The following SLC49A3 variants were observed in gnomAD, a reference collection of about 807,000 sequenced individuals.
SLC49A3 encodes solute carrier family 49 member 3, also known as solute carrier family 49 member A3.
In SLC49A3, 50 loss-of-function variants were observed where a neutral mutation model predicts 43.8. The observed-to-expected ratio is 1.14, with a 90% CI of 0.91 to 1.45. The LOEUF is 1.45. Among genes scored for constraint, SLC49A3 ranks in the 40% most tolerant of loss-of-function variants. SLC49A3 has a pLI of 0.00. For synonymous variants in SLC49A3, 413 were observed against 352.0 expected (o/e 1.17, Z -1.94); for missense variants, 906 against 774.1 (o/e 1.17, Z -2.02).
In SLC49A3 at chr4:682,891, C is replaced by G; in HGVS notation, c.1152-1G>C. On this transcript the variant is annotated splice_acceptor_variant, in intron 8 of 9. Transcript: ENST00000322224. LOFTEE classifies it high-confidence loss of function. ...CATGATGAGTATTCCCTCGGCCTGC[C>G]TGGACACACGTGGCCCTCAGCCCCC... 6.3e-7 allele frequency: 1 copy of G among 1,586,568 alleles called. No individual in the cohort carries two copies. Among genetic ancestry groups the G allele is most frequent in the South Asian group, 1.1e-5 (1 of 89,024 alleles).
chr4:680,397 G>C, downstream of SLC49A3: 2 of 1,142,428 alleles, frequency 1.8e-6, no homozygotes, highest in Non-Finnish European at 2.6e-6. Flanking sequence ...TGTGGGCAGA[G>C]GCTTGGAGTC....
At chr4:683,171 G>T (rs961945885) in intron 8 of SLC49A3, 39 bp downstream of exon 8, 4 of 1,611,744 alleles carry the variant, frequency 2.5e-6, no homozygotes, top group Non-Finnish European at 3.4e-6. Context: ...AGCAAGGGGA[G>T]TATCTCTGGG....
At chr4:680,878 C>G (rs1488189692), downstream of SLC49A3, 2 of 649,334 alleles carry the variant, frequency 3.1e-6, no homozygotes, top group East Asian at 2.7e-5. Context: ...GGCCTGTAAC[C>G]TCCTTCCGGC....
chr4:688,651 G>C (rs1173060844), intron 1 of SLC49A3, among the ~76,000 whole-genome samples: 1 of 152,208 alleles, frequency 6.6e-6, no homozygotes, highest in Non-Finnish European at 1.5e-5. Flanking sequence ...CTGCTGTCCT[G>C]GGGCTGGGAG....
chr4:683,512 T>C, intron 7 of SLC49A3, 97 bp downstream of exon 7: 1 of 1,503,384 alleles, frequency 6.7e-7, no homozygotes, highest in Non-Finnish European at 8.9e-7. Context: ...CATGAGACAG[T>C]CCAGACCTCT....
chr4:682,121 C>G lies in SLC49A3; in HGVS notation c.1517G>C (p.Ser506Thr), dbSNP rs781497650. 3 of 1,352,154 alleles carry G rather than the reference C, an allele frequency of 2.2e-6. No individual in the cohort carries two copies. Among genetic ancestry groups the G allele is most frequent in the Non-Finnish European group, 2.9e-6 (3 of 1,040,444 alleles). The allele number at this position is 1,352,154 out of a possible 1,614,324, so 83.8% of individuals were successfully genotyped here. Residue 506 changes from serine (S) to threonine (T), a missense_variant, in exon 10 of 10, where the codon AGC (serine) becomes ACC (threonine). Coordinates refer to ENST00000322224, the MANE Select transcript of SLC49A3 (RefSeq NM_032219.4). ...CGCTCGGTGGCAGGCTGGGTGGGGG[C>G]TCCCGGGCCCTCTGGGGTCCTCTAG... is the stretch of plus-strand genomic sequence containing the variant. ...ASLEDPRGPG[S>T]PHPACHRATP...
Position 682,224 on chromosome 4 carries a change from C to G in SLC49A3, c.1414G>C (p.Asp472His), listed in dbSNP as rs763436509. The G allele has an allele frequency of 1.0e-5, 14 of 1,381,510 alleles. No individual in the cohort carries two copies. Among genetic ancestry groups the G allele is most frequent in the Non-Finnish European group, 1.3e-5 (14 of 1,057,110 alleles). The allele number at this position is 1,381,510 out of a possible 1,614,324, so 85.6% of individuals were successfully genotyped here. The change falls in exon 10 of 10, where the codon GAC becomes CAC. Residue 472 changes from aspartate (D) to histidine (H), a missense_variant. Asp to His is a moderately conservative substitution (Grantham distance 81, BLOSUM62 -1). Coordinates refer to ENST00000322224, the MANE Select transcript of SLC49A3 (RefSeq NM_032219.4). ...VGGADSGPGV[D>H]RGGAGRAGVL... ...CCAGCCCTTCCTGCTCCCCCTCGGT[C>G]CACACCCGGCCCTGAGTCTGCGCCG... is the stretch of plus-strand genomic sequence containing the variant.
At chr4:677,927 G>A, downstream of SLC49A3, 1 of 1,601,920 alleles carries the variant, frequency 6.2e-7, no homozygotes. Context: ...TGTAGGGAGT[G>A]GCAGCCGGAG....
chr4:684,566 C>T lies in SLC49A3; in HGVS notation c.757G>A (p.Val253Met). The change falls in exon 6 of 10, where the codon GTG becomes ATG. Residue 253 changes from valine (V) to methionine (M), a missense_variant. Val to Met is a conservative substitution (Grantham distance 21). Transcript: ENST00000322224. The part of the protein sequence containing the change: ...MWNKAYVILA[V>M]CLGGMIGISA... ...ATCCCGATCATTCCCCCCAAGCACA[C>T]AGCCAGGATGACATAGGCCTTGTTC... 6.2e-7 allele frequency: 1 copy of T among 1,613,160 alleles called. No homozygotes were observed. The highest frequency in any genetic ancestry group is 8.5e-7 in the Non-Finnish European group (1 of 1,179,936).
intron 4 of SLC49A3, 84 bp from the exon 5 acceptor site, chr4:684,940 T>C: frequency 6.7e-7 from 1 of 1,492,064 alleles, no homozygotes. Context: ...AGGCGCCACC[T>C]CCCAGCTCCT....
Position 685,018 on chromosome 4 carries a change from AG to A in SLC49A3, c.586-163del. The stretch of plus-strand genomic sequence containing the variant: ...TGCCCTTTGCGAGGCCCAGGCTGGG[AG>A]GGGCCTGCTCCAGGGGCTCATGGGG... On this transcript the variant is annotated intron_variant, in intron 4 of 9. Transcript: ENST00000322224. This position sits in a 1 kb window ranked among gnomAD's most constrained non-coding sequence, Gnocchi z 4.3. 1 of 977,428 alleles carries A rather than the reference AG, an allele frequency of 1.0e-6. No homozygotes were observed. The highest frequency in any genetic ancestry group is 1.8e-5 in the South Asian group (1 of 55,208). The allele number at this position is 977,428 out of a possible 1,614,324, so 60.5% of individuals were successfully genotyped here.
downstream of SLC49A3, chr4:678,487 A>T (rs1393437745): frequency 1.4e-6 from 2 of 1,437,734 alleles, no homozygotes; most frequent in Non-Finnish European, 1.8e-6. Flanking sequence ...TCCTGCCCCC[A>T]ACCCCAGCTA....
chr4:679,055 C>T, downstream of SLC49A3: 1 of 1,602,694 alleles, frequency 6.2e-7, no homozygotes, highest in Non-Finnish European at 8.5e-7. Flanking sequence ...GGCAGAACGC[C>T]TCAGAGCCCT....
rs973464442 is a variant in SLC49A3, at chr4:689,120, C to A, written c.8G>T (p.Gly3Val). MA[G>V]PTEAETGLAE... ...CAACCCCGTCTCGGCCTCCGTCGGCCCCGCCATCGTCGGCGGCCTCCACGG... is the reference window on the plus strand; with the variant it reads ...CAACCCCGTCTCGGCCTCCGTCGGCACCGCCATCGTCGGCGGCCTCCACGG... The change falls in exon 1 of 10, where the codon GGG becomes GTG. Residue 3 changes from glycine (G) to valine (V), a missense_variant. Coordinates refer to ENST00000322224, the MANE Select transcript of SLC49A3 (RefSeq NM_032219.4). 1.5e-5 allele frequency: 21 copies of A among 1,397,516 alleles called. No homozygotes were observed. The African/African-American group carries it at 3.2e-4, about 21-fold the overall frequency. The allele number at this position is 1,397,516 out of a possible 1,614,324, so 86.6% of individuals were successfully genotyped here.
chr4:684,952 C>T, intron 4 of SLC49A3, 96 bp from the exon 5 acceptor site: 1 of 1,473,834 alleles, frequency 6.8e-7, no homozygotes, highest in Non-Finnish European at 9.0e-7. Flanking sequence ...CCAGCTCCTC[C>T]TGCCCCACCA....
chr4:683,892 G>A, intron 6 of SLC49A3, 131 bp from the exon 7 acceptor site: 1 of 1,208,424 alleles, frequency 8.3e-7, no homozygotes, highest in Non-Finnish European at 1.1e-6. Flanking sequence ...ACAGCTTCCA[G>A]ACGCACCGCT....
intron 2 of SLC49A3, 55 bp downstream of exon 2, chr4:686,477 A>G: frequency 6.3e-7 from 1 of 1,583,616 alleles, no homozygotes; most frequent in Non-Finnish European, 8.6e-7. Context: ...TCCTACCCAA[A>G]TGCGGGGGCC....
downstream of SLC49A3, chr4:678,450 T>C: frequency 7.0e-7 from 1 of 1,427,996 alleles, no homozygotes; most frequent in African/African-American, 1.4e-5. Flanking sequence ...CCCCAGTCCC[T>C]GTGCTGAAGC....
chr4:683,743 C>T lies in SLC49A3; in HGVS notation c.859G>A (p.Gly287Ser). ...GHSSGFSGLC[G>S]ALFITFGILG... Reference sequence around the variant, plus strand: ...ATCCCAAACGTGATGAAGAGAGCGCCACAGAGGCCGGAAAACCCCTGGAGG... The same window carrying T: ...ATCCCAAACGTGATGAAGAGAGCGCTACAGAGGCCGGAAAACCCCTGGAGG... Residue 287 changes from glycine (G) to serine (S), a missense_variant, in exon 7 of 10, where the codon GGC becomes AGC. Coordinates refer to ENST00000322224, the MANE Select transcript of SLC49A3 (RefSeq NM_032219.4). The T allele has an allele frequency of 6.4e-7, 1 of 1,572,724 alleles. No individual in the cohort carries two copies. The highest frequency in any genetic ancestry group is 2.3e-5 in the East Asian group (1 of 42,826).
Sources: gnomAD v4.1 joint callset for allele counts (sites outside exome capture counted in the v4.1 genomes callset) on GRCh38, gnomAD v4.1.1 for gene constraint, Gnocchi (gnomAD v3.1) non-coding constraint, MANE v1.5 for transcripts, NCBI Gene and HGNC (gene_info 2026-07-23, HGNC 2026-07-21) for gene names.